The following C3orf20 variants were observed in gnomAD, a reference collection of about 807,000 sequenced individuals.
The protein encoded by C3orf20 is family with sequence similarity 149 member C, also known as uncharacterized protein C3orf20.
In C3orf20, 76 loss-of-function variants were observed where a neutral mutation model predicts 88.3. That is an observed-to-expected ratio of 0.86 (90% CI 0.72 to 1.04). The LOEUF (loss-of-function observed/expected upper bound fraction) is 1.04. Among genes scored for constraint, C3orf20 ranks in the 50% least tolerant of loss-of-function variants. C3orf20 has a pLI of 0.00. For synonymous variants in C3orf20, 436 were observed against 437.4 expected (o/e 1.00, Z 0.04); for missense variants, 1,056 against 1,123.3 (o/e 0.94, Z 0.86).
chr3:14,764,501 A>G (rs546825800), intron 15 of C3orf20, among the ~76,000 whole-genome samples: 13 of 148,358 alleles, frequency 8.8e-5, no homozygotes, highest in African/African-American at 2.9e-4. Context: ...TATTATTATT[A>G]TTATTATTGT....
chr3:14,695,829 G>T (rs1177445888), intron 5 of C3orf20, among the ~76,000 whole-genome samples: 1 of 151,772 alleles, frequency 6.6e-6, no homozygotes, highest in Non-Finnish European at 1.5e-5. Flanking sequence ...ATTTCCACTG[G>T]CATGTAACAT....
At chr3:14,738,213 G>A (rs149704819) in intron 12 of C3orf20, among the ~76,000 whole-genome samples, 1 of 145,900 alleles carries the variant, frequency 6.9e-6, no homozygotes, top group Non-Finnish European at 1.5e-5. Context: ...TGTCACCCAG[G>A]CTGGAGTACA....
chr3:14,683,287 G>A, intron 3 of C3orf20, 90 bp downstream of exon 3: 2 of 1,473,038 alleles, frequency 1.4e-6, no homozygotes, highest in African/African-American at 1.4e-5. Flanking sequence ...GGCAACTGTG[G>A]GTCTGCTGTA....
chr3:14,729,059 G>T lies in C3orf20; in HGVS notation c.1940+371G>T, dbSNP rs550970521. Among the ~76,000 whole-genome samples the T allele has an allele frequency of 2.6e-5, 4 of 152,254 alleles. No individual in the cohort carries two copies. In the East Asian group the frequency reaches 7.7e-4, roughly 29 times the overall value. ...TTAAATGTCAGAATCCTTAAATAAG[G>T]TTTTCTGGGAACACGGCTACACCCA... On this transcript the variant is annotated intron_variant, in intron 12 of 16. Coordinates refer to ENST00000253697, the MANE Select transcript of C3orf20 (RefSeq NM_032137.5).
At chr3:14,703,033 C>T (rs2033339502) in intron 5 of C3orf20, 97 bp from the exon 6 acceptor site, 2 of 1,419,096 alleles carry the variant, frequency 1.4e-6, no homozygotes, top group Admixed American at 1.8e-5. Context: ...AAAATGATCT[C>T]CTTTGACTCC....
Position 14,772,144 on chromosome 3 carries a change from G to C in C3orf20, c.2573G>C (p.Ser858Thr). ...KAESEDIQGS[S>T]SSLALEDYVE... Reference sequence around the variant, plus strand: ...GAGTCAGAAGATATCCAAGGAAGCAGCTCCTCATTGGCCCTGGAAGACTAT... The same window carrying C: ...GAGTCAGAAGATATCCAAGGAAGCACCTCCTCATTGGCCCTGGAAGACTAT... Residue 858 changes from serine (S) to threonine (T), a missense_variant, in exon 16 of 17, where the codon AGC becomes ACC. Physicochemically the swap from Ser to Thr is moderately conservative, Grantham distance 58 (BLOSUM62 1). Coordinates refer to ENST00000253697, the MANE Select transcript of C3orf20 (RefSeq NM_032137.5). The surrounding 1 kb of genome is among the most constrained non-coding windows in gnomAD (Gnocchi z 4.2). 6.2e-7 allele frequency: 1 copy of C among 1,614,242 alleles called. No homozygotes were observed. Among genetic ancestry groups the C allele is most frequent in the Non-Finnish European group, 8.5e-7 (1 of 1,180,038 alleles).
intron 12 of C3orf20, among the ~76,000 whole-genome samples, chr3:14,753,502 A>C (rs930274617): frequency 6.6e-6 from 1 of 152,226 alleles, no homozygotes; most frequent in African/African-American, 2.4e-5. Context: ...ATATATATAT[A>C]GTTAAGCTGT....
intron 12 of C3orf20, among the ~76,000 whole-genome samples, chr3:14,740,445 C>T (rs748296391): frequency 6.6e-6 from 1 of 152,104 alleles, no homozygotes; most frequent in Non-Finnish European, 1.5e-5. Context: ...GATCACTTAA[C>T]ACAGATTACC....
At chr3:14,690,695 G>T (rs1466166706) in intron 5 of C3orf20, among the ~76,000 whole-genome samples, 1 of 152,252 alleles carries the variant, frequency 6.6e-6, no homozygotes, top group Non-Finnish European at 1.5e-5. Context: ...TCAGGAAGAA[G>T]CTCAGAGGAG....
chr3:14,764,021 A>G (rs1451681683), intron 15 of C3orf20, among the ~76,000 whole-genome samples: 3 of 152,168 alleles, frequency 2.0e-5, no homozygotes, highest in Non-Finnish European at 4.4e-5. Context: ...CACATATACA[A>G]ACTATACACA....
chr3:14,725,046 A>G (rs994356609), intron 10 of C3orf20, among the ~76,000 whole-genome samples: 28 of 152,228 alleles, frequency 1.8e-4, no homozygotes, highest in African/African-American at 5.3e-4. Flanking sequence ...GACTTGCCAA[A>G]AAAGTGTTCC....
At chr3:14,747,464 A>G (rs1252940338) in intron 12 of C3orf20, among the ~76,000 whole-genome samples, 2 of 152,234 alleles carry the variant, frequency 1.3e-5, no homozygotes, top group Non-Finnish European at 2.9e-5. Flanking sequence ...TATTTAGGAA[A>G]GAGCAGTTTC....
intron 6 of C3orf20, 34 bp from the exon 7 acceptor site, chr3:14,704,303 A>C: frequency 2.5e-6 from 4 of 1,607,852 alleles, no homozygotes. Context: ...GAGAACCAAA[A>C]GGCTAGACAA....
chr3:14,747,172 A>G (rs187283558), intron 12 of C3orf20, among the ~76,000 whole-genome samples: 4 of 152,374 alleles, frequency 2.6e-5, no homozygotes, highest in Admixed American at 2.6e-4. Context: ...CAAGTTACTC[A>G]TAGCAGTTAC....
At chr3:14,745,193 C>CAG (rs1028892983) in intron 12 of C3orf20, among the ~76,000 whole-genome samples, 12 of 151,604 alleles carry the variant, frequency 7.9e-5, no homozygotes, top group East Asian at 1.9e-4. Flanking sequence ...CTAGAACCCA[C>CAG]AGAGAGAGAG....
chr3:14,719,125 G>GTTTTTTTTTTTTTTTATTT (rs2034052149), intron 9 of C3orf20, among the ~76,000 whole-genome samples: 1 of 133,180 alleles, frequency 7.5e-6, no homozygotes. Flanking sequence ...TTGGGTCATT[G>GTTTTTTTTTTTTTTTATTT]TTTTTTTTTT....
intron 3 of C3orf20, among the ~76,000 whole-genome samples, chr3:14,683,733 G>A (rs144747876): frequency 6.5e-4 from 99 of 152,066 alleles, no homozygotes; most frequent in African/African-American, 2.2e-3. Context: ...AAAATTAGCC[G>A]GGCATGGTGG....
intron 7 of C3orf20, among the ~76,000 whole-genome samples, chr3:14,710,390 T>C (rs1346966737): frequency 6.6e-6 from 1 of 152,140 alleles, no homozygotes; most frequent in African/African-American, 2.4e-5. Context: ...CTGCTAGCTT[T>C]GCTTTAGTTT....
chr3:14,769,542 GAGGC>G lies in C3orf20; in HGVS notation c.2496-2521_2496-2518del, dbSNP rs539591329. On this transcript the variant is annotated intron_variant, in intron 15 of 16. Transcript: ENST00000253697. ...AGAAGAGGCAGGAAGAGACTAGGTG[GAGGC>G]AGGAGGGGTAGGCAGGGGAGTGGGG... 3.6e-3 allele frequency among the ~76,000 whole-genome samples: 550 copies of G among 152,278 alleles called. 6 individuals carry two copies. The highest frequency in any genetic ancestry group is 0.013 in the African/African-American group (533 of 41,542).
Sources: allele counts gnomAD v4.1 joint callset (sites outside exome capture counted in the v4.1 genomes callset), GRCh38; gene constraint gnomAD v4.1.1; non-coding constraint Gnocchi (gnomAD v3.1); transcripts MANE v1.5; gene names NCBI Gene and HGNC (gene_info 2026-07-23, HGNC 2026-07-21).